The following CDH12 variants were observed in gnomAD, a reference collection of about 807,000 sequenced individuals.
CDH12 encodes cadherin-12.
Under a neutral mutation model 74.1 loss-of-function variants are expected in CDH12, and 41 were observed. The ratio of observed to expected loss-of-function variants is 0.55; its 90% confidence interval spans 0.43 to 0.72. The LOEUF is 0.72. Among genes scored for constraint, CDH12 ranks in the 30% least tolerant of loss-of-function variants. The pLI is 0.00. For missense variants in CDH12, 945 were observed against 977.2 expected (o/e 0.97, Z 0.44); for synonymous variants, 399 against 355.0 (o/e 1.12, Z -1.39).
At chr5:22,067,336 A>G (rs1741633296) in intron 5 of CDH12, among the ~76,000 whole-genome samples, 1 of 152,220 alleles carries the variant, frequency 6.6e-6, no homozygotes, top group Non-Finnish European at 1.5e-5. Context: ...ATATTGAGAT[A>G]TCCCCGAAAA....
chr5:22,610,265 A>G (rs1188328026), intron 1 of CDH12, among the ~76,000 whole-genome samples: 2 of 152,324 alleles, frequency 1.3e-5, no homozygotes, highest in East Asian at 3.9e-4. Context: ...GTCTTGGAAG[A>G]TAGGCTCTTA....
chr5:22,814,441 C>T (rs1749293110), intron 1 of CDH12, among the ~76,000 whole-genome samples: 1 of 152,132 alleles, frequency 6.6e-6, no homozygotes, highest in African/African-American at 2.4e-5. Flanking sequence ...GATTAATCAG[C>T]TTGATGAATC....
chr5:22,539,001 T>A (rs1173066796), intron 1 of CDH12, among the ~76,000 whole-genome samples: 2 of 152,160 alleles, frequency 1.3e-5, no homozygotes, highest in African/African-American at 4.8e-5. Context: ...GCTCAAGTGA[T>A]CCTCCCACCT....
intron 12 of CDH12, among the ~76,000 whole-genome samples, chr5:21,761,678 C>A (rs1487282284): frequency 6.6e-6 from 1 of 151,772 alleles, no homozygotes; most frequent in African/African-American, 2.4e-5. Context: ...TCCTGTTTAT[C>A]TGCACACACA....
chr5:22,574,679 C>A (rs1292109857), intron 1 of CDH12, among the ~76,000 whole-genome samples: 1 of 152,112 alleles, frequency 6.6e-6, no homozygotes, highest in East Asian at 1.9e-4. Flanking sequence ...GGTTCCTACG[C>A]TTGCCTTCAG....
chr5:22,840,794 G>A (rs1737048313), intron 1 of CDH12, among the ~76,000 whole-genome samples: 1 of 152,134 alleles, frequency 6.6e-6, no homozygotes, highest in Non-Finnish European at 1.5e-5. Flanking sequence ...ATATTAAATA[G>A]AGAGGATAGC....
intron 2 of CDH12, among the ~76,000 whole-genome samples, chr5:22,406,757 T>C (rs1415350608): frequency 2.0e-5 from 3 of 152,092 alleles, no homozygotes; most frequent in Admixed American, 6.6e-5. Flanking sequence ...TTATTGAATG[T>C]GGATTTTTCA....
At chr5:22,493,283 T>C (rs1746963779) in intron 2 of CDH12, among the ~76,000 whole-genome samples, 1 of 152,198 alleles carries the variant, frequency 6.6e-6, no homozygotes, top group African/African-American at 2.4e-5. Flanking sequence ...AATCATATCT[T>C]ATAAATTAAT....
At chr5:22,245,302 T>A (rs1390945024) in intron 3 of CDH12, among the ~76,000 whole-genome samples, 6 of 152,072 alleles carry the variant, frequency 3.9e-5, no homozygotes, top group Non-Finnish European at 7.4e-5. Flanking sequence ...AAGATGAAGA[T>A]GGCTTTGAGC....
At chr5:22,005,974 GAAA>G (rs1438742526) in intron 5 of CDH12, among the ~76,000 whole-genome samples, 3 of 152,070 alleles carry the variant, frequency 2.0e-5, no homozygotes, top group Non-Finnish European at 4.4e-5. Context: ...CAATCCTATG[GAAA>G]AGCTTTCTAT....
At chr5:22,079,943 G>A (rs1419615040) in intron 4 of CDH12, among the ~76,000 whole-genome samples, 3 of 150,772 alleles carry the variant, frequency 2.0e-5, no homozygotes, top group South Asian at 4.2e-4. Flanking sequence ...TAAAACCTAC[G>A]TTAGCAAAAC....
At chr5:22,464,730 G>T (rs1422732556) in intron 2 of CDH12, among the ~76,000 whole-genome samples, 1 of 152,078 alleles carries the variant, frequency 6.6e-6, no homozygotes, top group East Asian at 1.9e-4. Context: ...TGCCAGGCAC[G>T]GTGGCTCACG....
intron 9 of CDH12, among the ~76,000 whole-genome samples, chr5:21,803,902 CA>C (rs1241024313): frequency 6.6e-6 from 1 of 151,806 alleles, no homozygotes; most frequent in Non-Finnish European, 1.5e-5. Flanking sequence ...AAAACAAAAA[CA>C]AAAAAACACT....
chr5:22,258,346 A>G (rs1753392549), intron 3 of CDH12, among the ~76,000 whole-genome samples: 1 of 152,038 alleles, frequency 6.6e-6, no homozygotes, highest in South Asian at 2.1e-4. Context: ...AGCAGTTTCA[A>G]TGGCTTCAAC....
intron 5 of CDH12, among the ~76,000 whole-genome samples, chr5:22,071,177 T>C (rs1248648053): frequency 6.6e-6 from 1 of 152,032 alleles, no homozygotes; most frequent in East Asian, 1.9e-4. Context: ...TGCATAAAAT[T>C]AAAAATAAAT....
intron 5 of CDH12, among the ~76,000 whole-genome samples, chr5:22,077,990 C>T (rs1403251138): frequency 6.6e-6 from 1 of 152,070 alleles, no homozygotes; most frequent in African/African-American, 2.4e-5. Context: ...AGAAGAAATA[C>T]ATTCTTGTCA....
intron 1 of CDH12, among the ~76,000 whole-genome samples, chr5:22,535,382 T>A (rs938547277): frequency 1.3e-5 from 2 of 152,024 alleles, no homozygotes; most frequent in Admixed American, 6.5e-5. Flanking sequence ...GGTCTCGATC[T>A]CCTGACCTCG....
chr5:22,173,189 T>C (rs1749133183), intron 4 of CDH12, among the ~76,000 whole-genome samples: 2 of 150,072 alleles, frequency 1.3e-5, no homozygotes, highest in Non-Finnish European at 3.0e-5. Flanking sequence ...TACATGTATG[T>C]ACATACATGT....
intron 1 of CDH12, among the ~76,000 whole-genome samples, chr5:22,761,158 A>C (rs1484671801): frequency 6.6e-6 from 1 of 152,140 alleles, no homozygotes; most frequent in Non-Finnish European, 1.5e-5. Flanking sequence ...ACTTGTATTT[A>C]TTCACGTCTT....
Sources: gnomAD v4.1 joint callset for allele counts (sites outside exome capture counted in the v4.1 genomes callset) on GRCh38, gnomAD v4.1.1 for gene constraint, MANE v1.5 for transcripts, NCBI Gene and HGNC (gene_info 2026-07-23, HGNC 2026-07-21) for gene names.